Variants in CACHD1 observed in about 807,000 individuals in gnomAD.
CACHD1 encodes the protein cache domain containing 1, also known as VWFA and cache domain-containing protein 1.
In CACHD1, 71 loss-of-function variants were observed where a neutral mutation model predicts 138.7. The ratio of observed to expected loss-of-function variants is 0.51; its 90% CI spans 0.42 to 0.62. CACHD1 has a LOEUF of 0.62. Among genes scored for constraint, CACHD1 ranks in the 20% least tolerant of loss-of-function variants. CACHD1 has a pLI of 0.00. For synonymous variants in CACHD1, 578 were observed against 591.5 expected, an observed-to-expected ratio of 0.98 and a Z score of 0.33; for missense variants, 1,389 against 1,625.3, an observed-to-expected ratio of 0.85 and a Z score of 2.50.
At chr1:64,494,252 T>C (rs956715453) in intron 1 of CACHD1, among the ~76,000 whole-genome samples, 3 of 152,244 alleles carry the variant, frequency 2.0e-5, no homozygotes, top group Admixed American at 6.5e-5. Context: ...TAGATAACTT[T>C]TCTTTTAGAC....
In CACHD1 at chr1:64,675,523, C is replaced by T. The variant is rs1377922866; in HGVS notation, c.2850C>T (p.Ala950=). The part of the protein sequence containing the change: ...NETCDSLAFC[A]CSMVDRLCLN... ...CCTGCGACTCTCTTGCCTTCTGTGC[C>T]TGCAGCATGGTGGACCGACTCTGTC... Residue 950 remains alanine (A), a synonymous_variant, in exon 20 of 27, where the codon GCC becomes GCT. Transcript: ENST00000651257. 5 of 1,613,280 alleles carry T rather than the reference C, an allele frequency of 3.1e-6. No individual in the cohort carries two copies. The highest frequency in any genetic ancestry group is 4.2e-6 in the Non-Finnish European group (5 of 1,179,328).
At chr1:64,600,388 G>A (rs569555551) in intron 3 of CACHD1, among the ~76,000 whole-genome samples, 3 of 152,112 alleles carry the variant, frequency 2.0e-5, no homozygotes, top group South Asian at 2.1e-4. Context: ...CTCTCTTAAC[G>A]GTGGATCCCA....
At chr1:64,634,704 T>C (rs10889493) in intron 7 of CACHD1, among the ~76,000 whole-genome samples, 151,646 of 152,282 alleles carry the variant, frequency 1, 75,514 homozygotes, top group Middle Eastern at 1. Context: ...TAAAAAAAAA[T>C]TGATTGGGGG....
At chr1:64,535,414 C>G (rs1646624613) in intron 1 of CACHD1, among the ~76,000 whole-genome samples, 1 of 151,440 alleles carries the variant, frequency 6.6e-6, no homozygotes, top group African/African-American at 2.4e-5. Context: ...CAACCTCTGC[C>G]TCCTGGGTTC....
intron 26 of CACHD1, among the ~76,000 whole-genome samples, chr1:64,688,917 C>CTT (rs1650452709): frequency 1.3e-5 from 2 of 152,176 alleles, no homozygotes; most frequent in Non-Finnish European, 2.9e-5. Context: ...TCAGGTCTAC[C>CTT]CAATTGTCAC....
At chr1:64,482,476 C>T (rs1033449771) in intron 1 of CACHD1, among the ~76,000 whole-genome samples, 5 of 152,132 alleles carry the variant, frequency 3.3e-5, no homozygotes, top group Non-Finnish European at 2.9e-5. Flanking sequence ...TGCTTTTTGC[C>T]GCTTTTTCTG....
chr1:64,643,358 G>A (rs983734536), intron 8 of CACHD1, among the ~76,000 whole-genome samples: 2 of 152,204 alleles, frequency 1.3e-5, no homozygotes, highest in Non-Finnish European at 2.9e-5. Flanking sequence ...CTGATGTCTA[G>A]TGGTCCTTAG....
intron 1 of CACHD1, among the ~76,000 whole-genome samples, chr1:64,530,154 A>G (rs1020774708): frequency 2.0e-5 from 3 of 152,178 alleles, no homozygotes; most frequent in African/African-American, 4.8e-5. Context: ...GTTTTGCCCT[A>G]TAGTTTAATT....
Position 64,470,983 on chromosome 1 carries a change from C to A in CACHD1, c.198+41C>A, listed in dbSNP as rs1201543707. On this transcript the variant is annotated intron_variant, in intron 1 of 26. Transcript: ENST00000651257. The surrounding 1 kb of genome is among the most constrained non-coding windows in gnomAD (Gnocchi z 5.2). ...GCTGGCCAGACATCCCGCCTTTCTC[C>A]TTTGCTCAAACTCCCATCCCACTCC... The A allele has an allele frequency of 3.2e-6, 5 of 1,541,042 alleles. No individual in the cohort carries two copies. The highest frequency in any genetic ancestry group is 4.4e-6 in the Non-Finnish European group (5 of 1,140,392).
In CACHD1 at chr1:64,691,778, AG is replaced by A; in HGVS notation, c.*221del. The A allele has an allele frequency of 1.8e-6, 1 of 567,794 alleles. No individual in the cohort carries two copies. The allele number at this position is 567,794 out of a possible 1,614,324, so 35.2% of individuals were successfully genotyped here. ...AGATGTGAGGCTGGTTCTGAAATGG[AG>A]GGGAAATAAGCCTGATGAACAGACC... On this transcript the variant is annotated 3_prime_UTR_variant, in exon 27 of 27. Transcript: ENST00000651257.
intron 3 of CACHD1, among the ~76,000 whole-genome samples, chr1:64,596,980 T>C (rs1336100719): frequency 6.6e-6 from 1 of 152,168 alleles, no homozygotes; most frequent in Non-Finnish European, 1.5e-5. Flanking sequence ...TCTGGAAATA[T>C]TGAGAAAAAC....
intron 3 of CACHD1, among the ~76,000 whole-genome samples, chr1:64,593,425 T>G (rs1254742882): frequency 1.3e-5 from 2 of 152,244 alleles, no homozygotes; most frequent in Non-Finnish European, 1.5e-5. Flanking sequence ...TTCTTATTAT[T>G]ACTGTTTTTA....
chr1:64,663,974 C>A, intron 14 of CACHD1, 137 bp downstream of exon 14: 1 of 1,144,158 alleles, frequency 8.7e-7, no homozygotes, highest in South Asian at 1.5e-5. Context: ...GAGTGTGTGG[C>A]CCAGGGGAGG....
chr1:64,549,806 T>A (rs1646745774), intron 1 of CACHD1, among the ~76,000 whole-genome samples: 1 of 151,966 alleles, frequency 6.6e-6, no homozygotes, highest in African/African-American at 2.4e-5. Flanking sequence ...TTTTTTTTAT[T>A]TTTTTGCTCC....
intron 1 of CACHD1, among the ~76,000 whole-genome samples, chr1:64,484,553 A>G (rs1646230959): frequency 6.6e-6 from 1 of 152,126 alleles, no homozygotes; most frequent in South Asian, 2.1e-4. Flanking sequence ...TACTTTTCAT[A>G]TTGTCGTGTA....
In CACHD1 at chr1:64,571,302, C is replaced by T. The variant is rs367970833; in HGVS notation, c.262-10854C>T. On this transcript the variant is annotated intron_variant, in intron 2 of 26. Coordinates refer to ENST00000651257, the MANE Select transcript of CACHD1 (RefSeq NM_020925.4). ...ATTTGTTACTCTAAATATAGAACTCCACTGCACATGAGGCTGTGTCTTGCA... is the reference window on the plus strand; with the variant it reads ...ATTTGTTACTCTAAATATAGAACTCTACTGCACATGAGGCTGTGTCTTGCA... Among the ~76,000 whole-genome samples the T allele has an allele frequency of 1.2e-4, 18 of 152,216 alleles. 2 individuals carry two copies. The highest frequency in any genetic ancestry group is 4.6e-4 in the Admixed American group (7 of 15,290).
chr1:64,482,263 A>G (rs1646215485), intron 1 of CACHD1, among the ~76,000 whole-genome samples: 1 of 151,482 alleles, frequency 6.6e-6, no homozygotes, highest in Admixed American at 6.6e-5. Flanking sequence ...TTTTTTCCCC[A>G]CTTGGATTAC....
intron 8 of CACHD1, among the ~76,000 whole-genome samples, chr1:64,645,938 G>A (rs918275948): frequency 6.6e-6 from 1 of 152,066 alleles, no homozygotes; most frequent in African/African-American, 2.4e-5. Flanking sequence ...AAGAAAAGAG[G>A]ATCCTGGGAA....
intron 1 of CACHD1, among the ~76,000 whole-genome samples, chr1:64,472,292 T>C (rs886139402): frequency 3.3e-5 from 5 of 151,966 alleles, no homozygotes; most frequent in African/African-American, 1.2e-4. Flanking sequence ...TCTTTTTCCT[T>C]CTTCCTTCCT....
Sources: allele counts gnomAD v4.1 joint callset (sites outside exome capture counted in the v4.1 genomes callset), GRCh38; gene constraint gnomAD v4.1.1; non-coding constraint Gnocchi (gnomAD v3.1); transcripts MANE v1.5; gene names NCBI Gene and HGNC (gene_info 2026-07-23, HGNC 2026-07-21).